Variants in RASSF8 observed in about 807,000 individuals in gnomAD.
RASSF8 encodes the protein ras association domain-containing protein 8.
In RASSF8, 22 loss-of-function variants were observed where a neutral mutation model predicts 48.5. That is an observed-to-expected ratio of 0.45 (90% confidence interval 0.32 to 0.65). RASSF8 has a LOEUF of 0.65. RASSF8 is among the 30% of genes least tolerant of loss of function. The pLI is 0.03. For missense variants in RASSF8, 418 were observed against 489.2 expected, an observed-to-expected ratio of 0.85 and a Z score of 1.37; for synonymous variants, 127 against 171.5, an observed-to-expected ratio of 0.74 and a Z score of 2.03.
intron 2 of RASSF8, among the ~76,000 whole-genome samples, chr12:26,005,788 T>A (rs1446716454): frequency 6.6e-6 from 1 of 152,200 alleles, no homozygotes; most frequent in Non-Finnish European, 1.5e-5. Context: ...TCCCCTACTT[T>A]CTTTTACTTT....
At position 26,051,538 on chromosome 12, in the gene RASSF8, A is replaced by G. The variant is rs151124944; in HGVS notation, c.-108-3698A>G. On this transcript the variant is annotated intron_variant, in intron 2 of 5. Transcript: ENST00000689635. The stretch of plus-strand genomic sequence containing the variant: ...TATAAACATTTATATTTAATATGCA[A>G]TAAGTATAAATATTGGCAGACCAAA... Among the ~76,000 whole-genome samples the G allele has an allele frequency of 2.6e-4, 40 of 152,322 alleles. 1 individual carries two copies. The highest frequency in any genetic ancestry group is 8.9e-4 in the African/African-American group (37 of 41,566).
intron 1 of RASSF8, among the ~76,000 whole-genome samples, chr12:25,987,758 T>G (rs1424660422): frequency 6.6e-6 from 1 of 152,216 alleles, no homozygotes; most frequent in African/African-American, 2.4e-5. Flanking sequence ...ATTTTTTGCC[T>G]TTTAAAATAT....
At chr12:25,983,285 A>G (rs925081488) in intron 1 of RASSF8, among the ~76,000 whole-genome samples, 4 of 152,240 alleles carry the variant, frequency 2.6e-5, no homozygotes, top group Non-Finnish European at 5.9e-5. Flanking sequence ...AAATAAACAT[A>G]TAATTGGAAT....
chr12:26,060,270 G>A (rs1176086664), intron 3 of RASSF8, among the ~76,000 whole-genome samples: 1 of 152,146 alleles, frequency 6.6e-6, no homozygotes, highest in Non-Finnish European at 1.5e-5. Flanking sequence ...GTGATTACAT[G>A]ATATACACTG....
chr12:26,075,624 A>G (rs954590667), downstream of RASSF8, among the ~76,000 whole-genome samples: 1 of 152,248 alleles, frequency 6.6e-6, no homozygotes, highest in Non-Finnish European at 1.5e-5. Context: ...GAATGAAAGA[A>G]GTGAAGAAGG....
chr12:26,037,138 A>G (rs1221779499), intron 2 of RASSF8, among the ~76,000 whole-genome samples: 2 of 152,212 alleles, frequency 1.3e-5, no homozygotes, highest in Non-Finnish European at 2.9e-5. Context: ...TTAAATTCGG[A>G]TAATTGCTTG....
chr12:26,042,245 A>G (rs981621601), intron 2 of RASSF8, among the ~76,000 whole-genome samples: 26 of 152,226 alleles, frequency 1.7e-4, no homozygotes, highest in African/African-American at 6.0e-4. Context: ...TCCCAAGCCT[A>G]GGAGTGGGAG....
At chr12:26,013,973 T>G (rs1454142575) in intron 2 of RASSF8, among the ~76,000 whole-genome samples, 1 of 152,216 alleles carries the variant, frequency 6.6e-6, no homozygotes, top group East Asian at 1.9e-4. Flanking sequence ...AAATGGCACA[T>G]TTTTATATTT....
intron 3 of RASSF8, among the ~76,000 whole-genome samples, chr12:26,056,489 T>G (rs1316635682): frequency 6.6e-6 from 1 of 152,234 alleles, no homozygotes; most frequent in Admixed American, 6.5e-5. Flanking sequence ...TTTGAGCTCC[T>G]TATCAAAAGT....
intron 1 of RASSF8, among the ~76,000 whole-genome samples, chr12:25,979,418 G>C (rs902651532): frequency 6.6e-6 from 1 of 151,318 alleles, no homozygotes; most frequent in Non-Finnish European, 1.5e-5. Context: ...TTTTGGCAAC[G>C]AGGAAATCAT....
chr12:25,973,429 C>T (rs1941529779), intron 1 of RASSF8, among the ~76,000 whole-genome samples: 1 of 152,084 alleles, frequency 6.6e-6, no homozygotes, highest in African/African-American at 2.4e-5. Flanking sequence ...TCATTTAATC[C>T]CTTTGATCCT....
At chr12:26,029,812 C>T (rs1942991591) in intron 2 of RASSF8, among the ~76,000 whole-genome samples, 1 of 152,144 alleles carries the variant, frequency 6.6e-6, no homozygotes, top group Admixed American at 6.5e-5. Context: ...ACTATGACGT[C>T]CGAGTTATAC....
chr12:26,040,555 A>G (rs1032254854), intron 2 of RASSF8, among the ~76,000 whole-genome samples: 1 of 152,202 alleles, frequency 6.6e-6, no homozygotes, highest in African/African-American at 2.4e-5. Flanking sequence ...TAGAACCTGC[A>G]GCTCCTGCTA....
chr12:25,969,874 G>A (rs1941444387), intron 1 of RASSF8, among the ~76,000 whole-genome samples: 1 of 152,034 alleles, frequency 6.6e-6, no homozygotes, highest in Non-Finnish European at 1.5e-5. Context: ...GTGAAGACTT[G>A]TTCCTTGAAA....
At chr12:26,016,083 A>C (rs889595132) in intron 2 of RASSF8, among the ~76,000 whole-genome samples, 1 of 152,198 alleles carries the variant, frequency 6.6e-6, no homozygotes, top group African/African-American at 2.4e-5. Context: ...ACCTTCAACT[A>C]TAAAGAGTTT....
At chr12:26,027,264 T>G (rs1431836283) in intron 2 of RASSF8, among the ~76,000 whole-genome samples, 1 of 152,218 alleles carries the variant, frequency 6.6e-6, no homozygotes, top group East Asian at 1.9e-4. Flanking sequence ...CAAAAGTAAC[T>G]GGTGATAGTT....
chr12:25,971,883 C>T (rs368648249), intron 1 of RASSF8, among the ~76,000 whole-genome samples: 7 of 152,172 alleles, frequency 4.6e-5, no homozygotes, highest in African/African-American at 1.2e-4. Flanking sequence ...ATTTCAATCA[C>T]GAGAGTGAGA....
chr12:25,999,269 T>C (rs753357667), intron 2 of RASSF8, among the ~76,000 whole-genome samples: 2 of 152,216 alleles, frequency 1.3e-5, no homozygotes, highest in Admixed American at 6.5e-5. Flanking sequence ...AGAAACTTTT[T>C]CCACCAAACC....
Position 26,068,841 on chromosome 12 carries a change from G to T in RASSF8, c.*23G>T. Reference sequence around the variant, plus strand: ...TGACATTATCTGTCTTTAGGGAGGAGACCCAACAGAGGTACCAAGGACAGT... The same window carrying T: ...TGACATTATCTGTCTTTAGGGAGGATACCCAACAGAGGTACCAAGGACAGT... On this transcript the variant is annotated 3_prime_UTR_variant, in exon 6 of 6. Transcript: ENST00000689635. 1 of 1,535,830 alleles carries T rather than the reference G, an allele frequency of 6.5e-7. No homozygotes were observed. The highest frequency in any genetic ancestry group is 1.2e-5 in the South Asian group (1 of 83,822).
Sources: gnomAD v4.1 joint callset for allele counts (sites outside exome capture counted in the v4.1 genomes callset) on GRCh38, gnomAD v4.1.1 for gene constraint, MANE v1.5 for transcripts, NCBI Gene and HGNC (gene_info 2026-07-23, HGNC 2026-07-21) for gene names.